ITFG1: variants seen among roughly 807,000 people sequenced by gnomAD.
The protein encoded by ITFG1 is integrin alpha FG-GAP repeat containing 1, also known as T-cell immunomodulatory protein.
In ITFG1, 34 loss-of-function variants were observed where a neutral mutation model predicts 81.8. That is an observed-to-expected ratio of 0.42 (90% CI 0.32 to 0.55). ITFG1 has a LOEUF of 0.55. Among genes scored for constraint, ITFG1 ranks in the 20% least tolerant of loss-of-function variants. ITFG1 has a pLI of 0.17. For missense variants in ITFG1, 672 were observed against 755.4 expected (o/e 0.89, Z 1.29); for synonymous variants, 285 against 270.6 (o/e 1.05, Z -0.52).
intron 14 of ITFG1, among the ~76,000 whole-genome samples, chr16:47,174,344 A>G (rs1964996556): frequency 6.6e-6 from 1 of 152,146 alleles, no homozygotes; most frequent in Non-Finnish European, 1.5e-5. Flanking sequence ...ATTTGTCAAA[A>G]ATAGAACTTA....
At chr16:47,227,957 C>T (rs927905125) in intron 13 of ITFG1, among the ~76,000 whole-genome samples, 1 of 152,040 alleles carries the variant, frequency 6.6e-6, no homozygotes, top group Non-Finnish European at 1.5e-5. Flanking sequence ...CTGTAATGCC[C>T]AATTTAGTTT....
rs775531953 is a variant in ITFG1 at position 47,375,860 on chromosome 16, G to A, written c.720+16C>T. Reference sequence around the variant, plus strand: ...AAGCCATCATTTTAAAATGCTTCAAGGAAAAGATTTCTTACCAAATTTTCC... The same window carrying A: ...AAGCCATCATTTTAAAATGCTTCAAAGAAAAGATTTCTTACCAAATTTTCC... On this transcript the variant is annotated intron_variant, in intron 7 of 17. Coordinates refer to ENST00000320640, the MANE Select transcript of ITFG1 (RefSeq NM_030790.5). The A allele has an allele frequency of 1.5e-5, 23 of 1,511,884 alleles. No homozygotes were observed. In the South Asian group the frequency reaches 2.1e-4, roughly 14 times the overall value. 93.7% of individuals were successfully genotyped at this position (1,511,884 alleles called of 1,614,324 possible).
intron 6 of ITFG1, among the ~76,000 whole-genome samples, chr16:47,399,291 T>C (rs756910961): frequency 2.6e-5 from 4 of 152,126 alleles, no homozygotes; most frequent in Non-Finnish European, 5.9e-5. Context: ...GTTAAGAAAG[T>C]GGCCGGGTGC....
intron 4 of ITFG1, 68 bp from the exon 5 acceptor site, chr16:47,451,538 A>C (rs1969389965): frequency 2.3e-6 from 2 of 852,950 alleles, no homozygotes; most frequent in Non-Finnish European, 3.8e-6. Context: ...GCTTTAAAAG[A>C]AGCAGTAACT....
chr16:47,414,541 A>G (rs969503048), intron 6 of ITFG1, among the ~76,000 whole-genome samples: 2 of 149,116 alleles, frequency 1.3e-5, no homozygotes, highest in East Asian at 3.9e-4. Context: ...AAAAAACAAA[A>G]AACAAAAAAC....
intron 6 of ITFG1, among the ~76,000 whole-genome samples, chr16:47,377,278 CACA>C (rs1399953113): frequency 1.3e-5 from 2 of 152,186 alleles, no homozygotes; most frequent in East Asian, 3.9e-4. Context: ...TATTTATTTC[CACA>C]ACAAGGAAAA....
intron 10 of ITFG1, among the ~76,000 whole-genome samples, chr16:47,296,034 G>A (rs1966976131): frequency 6.6e-6 from 1 of 151,978 alleles, no homozygotes; most frequent in African/African-American, 2.4e-5. Context: ...AGGTAGCTGA[G>A]TCTACAGGCA....
At chr16:47,296,575 A>G (rs1035887571) in intron 10 of ITFG1, among the ~76,000 whole-genome samples, 1 of 152,072 alleles carries the variant, frequency 6.6e-6, no homozygotes, top group African/African-American at 2.4e-5. Context: ...AGCTGGGATT[A>G]CAGGTACACG....
At position 47,172,348 on chromosome 16, in the gene ITFG1, C is replaced by T. The variant is rs113785365; in HGVS notation, c.1454-9684G>A. Among the ~76,000 whole-genome samples the T allele has an allele frequency of 9.2e-3, 1,399 of 152,136 alleles. 12 individuals carry two copies. Among genetic ancestry groups the T allele is most frequent in the South Asian group, 0.028 (135 of 4,820 alleles). Reference sequence around the variant, plus strand: ...AAAAGGTACAAAAAAATTAGCCAGGCGTGGTGGCGCATGCCTGTAGTCCCA... The same window carrying T: ...AAAAGGTACAAAAAAATTAGCCAGGTGTGGTGGCGCATGCCTGTAGTCCCA... On this transcript the variant is annotated intron_variant, in intron 14 of 17. Coordinates refer to ENST00000320640, the MANE Select transcript of ITFG1 (RefSeq NM_030790.5).
chr16:47,444,331 G>A (rs1301007992), intron 5 of ITFG1, among the ~76,000 whole-genome samples: 1 of 152,106 alleles, frequency 6.6e-6, no homozygotes, highest in Non-Finnish European at 1.5e-5. Flanking sequence ...AATAATTTAT[G>A]TTACAAGAAA....
At chr16:47,427,780 A>T (rs571574661) in intron 6 of ITFG1, among the ~76,000 whole-genome samples, 3 of 152,358 alleles carry the variant, frequency 2.0e-5, no homozygotes, top group African/African-American at 7.2e-5. Flanking sequence ...TGATTTGATA[A>T]AAACATGTCG....
intron 7 of ITFG1, among the ~76,000 whole-genome samples, chr16:47,366,958 C>G (rs1282729821): frequency 2.0e-5 from 3 of 152,162 alleles, no homozygotes; most frequent in Admixed American, 1.3e-4. Flanking sequence ...TGGCTGTCCT[C>G]TAATTCCACA....
chr16:47,369,738 T>C lies in ITFG1; in HGVS notation c.721-3869A>G, dbSNP rs929414450. 5.9e-5 allele frequency among the ~76,000 whole-genome samples: 9 copies of C among 152,268 alleles called. No homozygotes were observed. In the East Asian group the frequency reaches 1.2e-3, roughly 20 times the overall value. On this transcript the variant is annotated intron_variant, in intron 7 of 17. Transcript: ENST00000320640. The stretch of plus-strand genomic sequence containing the variant: ...CATACTCATGGGGCACACAGTGATG[T>C]TGTGATACTTGTATAGTGATTGGAT...
chr16:47,438,956 A>G (rs751096747), intron 5 of ITFG1, among the ~76,000 whole-genome samples: 10 of 152,192 alleles, frequency 6.6e-5, no homozygotes, highest in Non-Finnish European at 1.5e-4. Context: ...AGACGAATGG[A>G]TAACTAGAAT....
rs565413047 is a variant in ITFG1 at position 47,442,450 on chromosome 16, C to G, written c.560+8946G>C. ...AAGAGCCCGCATTGCCAAGTCAATC[C>G]TATGCCAAAAGAACAAAGCTGGAGG... is the stretch of plus-strand genomic sequence containing the variant. On this transcript the variant is annotated intron_variant, in intron 5 of 17. Coordinates refer to ENST00000320640, the MANE Select transcript of ITFG1 (RefSeq NM_030790.5). Among the ~76,000 whole-genome samples, 638 of 152,250 alleles carry G rather than the reference C, an allele frequency of 4.2e-3. 6 individuals are homozygous for G. Among genetic ancestry groups the G allele is most frequent in the African/African-American group, 0.015 (609 of 41,542 alleles).
chr16:47,198,841 C>T (rs1965388380), intron 14 of ITFG1, among the ~76,000 whole-genome samples: 2 of 152,096 alleles, frequency 1.3e-5, no homozygotes, highest in African/African-American at 4.8e-5. Context: ...AATTTTTGTA[C>T]ACCTGAACAA....
At chr16:47,303,321 T>TC (rs1967106857) in intron 10 of ITFG1, among the ~76,000 whole-genome samples, 1 of 152,162 alleles carries the variant, frequency 6.6e-6, no homozygotes, top group Non-Finnish European at 1.5e-5. Context: ...TTATATTCTT[T>TC]CCGTATAGTA....
intron 7 of ITFG1, 142 bp from the exon 8 acceptor site, chr16:47,366,011 T>A: frequency 3.7e-6 from 2 of 536,328 alleles, no homozygotes; most frequent in Non-Finnish European, 6.7e-6. Flanking sequence ...CAATCTCCTG[T>A]TTCACTTTTA....
At chr16:47,392,612 C>A (rs935728615) in intron 6 of ITFG1, among the ~76,000 whole-genome samples, 4 of 152,208 alleles carry the variant, frequency 2.6e-5, no homozygotes, top group Admixed American at 6.5e-5. Flanking sequence ...GACTTATGGG[C>A]CTTTGTTTTC....
Sources: allele counts gnomAD v4.1 joint callset (sites outside exome capture counted in the v4.1 genomes callset), GRCh38; gene constraint gnomAD v4.1.1; transcripts MANE v1.5; gene names NCBI Gene and HGNC (gene_info 2026-07-23, HGNC 2026-07-21).